The following PRKDC variants were observed in gnomAD, a reference collection of about 807,000 sequenced individuals.
PRKDC encodes DNA-dependent protein kinase catalytic subunit.
PRKDC carries 82 observed loss-of-function variants against 486.9 expected under a neutral mutation model. That is an observed-to-expected ratio of 0.17 (90% confidence interval 0.14 to 0.20). The LOEUF (loss-of-function observed/expected upper bound fraction) is 0.20. Ranked by LOEUF, PRKDC falls within the 10% of genes least tolerant of loss-of-function variation. The pLI, the probability that PRKDC is intolerant of heterozygous loss-of-function variation, is 1.00. For synonymous variants in PRKDC, 1,895 were observed against 1,837.0 expected (o/e 1.03, Z -0.81); for missense variants, 4,504 against 5,038.2 (o/e 0.89, Z 3.21).
chr8:47,881,341 TA>T, intron 38 of PRKDC, 74 bp downstream of exon 38: 1 of 938,308 alleles, frequency 1.1e-6, no homozygotes, highest in Non-Finnish European at 1.6e-6. Flanking sequence ...TAATAAAAAA[TA>T]AAAAACATCA....
Position 47,821,704 on chromosome 8 carries a change from T to C in PRKDC, c.9011A>G (p.His3004Arg). ...WELASLDCYN[H>R]LAEWKSLEYC... ...TTCAAGTGATTTCCACTCAGCAAGG[T>C]GGTTGTAACAGTCAAGGGATGCAAG... The change falls in exon 65 of 86, where the codon CAC (histidine) becomes CGC (arginine). Residue 3004 changes from histidine to arginine, a missense_variant. His to Arg is a conservative substitution (Grantham distance 29). Transcript: ENST00000314191. The C allele has an allele frequency of 2.5e-6, 4 of 1,601,442 alleles. No homozygotes were observed. The highest frequency in any genetic ancestry group is 2.6e-6 in the Non-Finnish European group (3 of 1,173,356).
At chr8:47,938,746 C>T (rs1359131908) in intron 11 of PRKDC, among the ~76,000 whole-genome samples, 1 of 152,018 alleles carries the variant, frequency 6.6e-6, no homozygotes, top group Admixed American at 6.6e-5. Flanking sequence ...ATTTTTAGTA[C>T]AGACAGGGTT....
At chr8:47,929,282 G>T in intron 18 of PRKDC, 104 bp from the exon 19 acceptor site, 1 of 772,192 alleles carries the variant, frequency 1.3e-6, no homozygotes, top group Non-Finnish European at 2.2e-6. Flanking sequence ...TCCATTTCAA[G>T]TTACCAACAT....
intron 68 of PRKDC, among the ~76,000 whole-genome samples, chr8:47,810,691 A>G (rs570000740): frequency 2.0e-5 from 3 of 152,358 alleles, no homozygotes; most frequent in South Asian, 4.1e-4. Flanking sequence ...ACACACATGC[A>G]ATAAATGAAA....
chr8:47,834,608 A>G (rs2087966973), intron 58 of PRKDC, among the ~76,000 whole-genome samples: 1 of 152,066 alleles, frequency 6.6e-6, no homozygotes, highest in East Asian at 1.9e-4. Context: ...CCCCATTTGT[A>G]AAGTAAGAAA....
chr8:47,846,843 C>A (rs940304753), intron 54 of PRKDC, among the ~76,000 whole-genome samples: 2 of 152,118 alleles, frequency 1.3e-5, no homozygotes, highest in South Asian at 4.1e-4. Context: ...AAATCAGTAA[C>A]ATTTCTATAC....
intron 65 of PRKDC, 112 bp from the exon 66 acceptor site, chr8:47,821,055 C>CCT (rs2087583570): frequency 1.6e-6 from 1 of 639,564 alleles, no homozygotes; most frequent in Admixed American, 3.6e-5. Context: ...GATTTAAAGT[C>CCT]AAAGCGATGA....
rs1192182197 is a variant in PRKDC at position 47,782,858 on chromosome 8, C to A, written c.11176-260G>T. The A allele has an allele frequency of 1.8e-6, 1 of 541,922 alleles. No individual in the cohort carries two copies. The highest frequency in any genetic ancestry group is 1.9e-5 in the African/African-American group (1 of 52,892). The allele number at this position is 541,922 out of a possible 1,614,324, so 33.6% of individuals were successfully genotyped here. On this transcript the variant is annotated intron_variant, in intron 78 of 85. Transcript: ENST00000314191. This position sits in a 1 kb window ranked among gnomAD's most constrained non-coding sequence, Gnocchi z 4.9. ...TTAGCAAGCAGCAACAGCCAACATG[C>A]AAACTTTCTACAGTAGTAAGCTAAT...
Position 47,831,916 on chromosome 8 carries a change from G to T in PRKDC, c.8163C>A (p.Gly2721=), listed in dbSNP as rs374804712. ...TGCGCAGTCGTAGTAGGTCCGTCCG[G>T]CCGGCCGCACCTGGAGAGGGAAAGC... ...EVDNKVKGAA[G]RTDLLRLRRR... Residue 2721 remains glycine, a synonymous_variant, in exon 60 of 86, where the codon GGC becomes GGA. Coordinates refer to ENST00000314191, the MANE Select transcript of PRKDC (RefSeq NM_006904.7). The T allele has an allele frequency of 3.3e-5, 54 of 1,612,184 alleles. No individual in the cohort carries two copies. Among genetic ancestry groups the T allele is most frequent in the Admixed American group, 2.2e-4 (13 of 59,944 alleles).
intron 40 of PRKDC, among the ~76,000 whole-genome samples, chr8:47,867,611 T>C (rs2154500899): frequency 6.6e-6 from 1 of 152,248 alleles, no homozygotes; most frequent in Non-Finnish European, 1.5e-5. Context: ...GTAAAGCCAT[T>C]GAGTAATTAT....
At chr8:47,839,396 G>T in intron 55 of PRKDC, 150 bp from the exon 56 acceptor site, 1 of 647,752 alleles carries the variant, frequency 1.5e-6, no homozygotes, top group Non-Finnish European at 2.7e-6. Context: ...CCCCACTCAT[G>T]GGTGTGTGCA....
At chr8:47,936,108 A>G (rs1352863161) in intron 12 of PRKDC, among the ~76,000 whole-genome samples, 1 of 152,162 alleles carries the variant, frequency 6.6e-6, no homozygotes. Context: ...TTGAGGTGCA[A>G]TTCTATCCCA....
chr8:47,928,951 A>G, intron 19 of PRKDC, 141 bp downstream of exon 19: 1 of 661,274 alleles, frequency 1.5e-6, no homozygotes, highest in Admixed American at 2.8e-5. Context: ...CGGCCTCCCA[A>G]AGTGCTGGGA....
At chr8:47,926,418 T>C (rs1162801446) in intron 21 of PRKDC, among the ~76,000 whole-genome samples, 1 of 152,204 alleles carries the variant, frequency 6.6e-6, no homozygotes, top group Admixed American at 6.5e-5. Context: ...AATAAAATAA[T>C]GATTTACACA....
intron 28 of PRKDC, 133 bp from the exon 29 acceptor site, chr8:47,898,702 T>A: frequency 3.9e-6 from 2 of 517,846 alleles, no homozygotes; most frequent in East Asian, 3.2e-5. Context: ...TATGTTTTCA[T>A]CCCTAAGAAT....
At position 47,879,441 on chromosome 8, in the gene PRKDC, A is replaced by T. The variant is rs748857285; in HGVS notation, c.5235+50T>A. On this transcript the variant is annotated intron_variant, in intron 39 of 85. Transcript: ENST00000314191. ...CCTCTTTTCATCAAGATATGTAACA[A>T]GAAAAAAAAAACAGTGTTTTAATTT... 7 of 1,439,550 alleles carry T rather than the reference A, an allele frequency of 4.9e-6. No homozygotes were observed. In the South Asian group the frequency reaches 9.6e-5, roughly 20 times the overall value. The allele number at this position is 1,439,550 out of a possible 1,614,324, so 89.2% of individuals were successfully genotyped here.
chr8:47,881,743 T>C (rs2089223665), intron 37 of PRKDC, among the ~76,000 whole-genome samples, 169 bp downstream of exon 37: 2 of 152,224 alleles, frequency 1.3e-5, no homozygotes, highest in Non-Finnish European at 2.9e-5. Context: ...GTAAGTCTAA[T>C]AAATAATGGA....
chr8:47,818,268 C>T (rs1342454473), intron 67 of PRKDC, among the ~76,000 whole-genome samples: 1 of 152,082 alleles, frequency 6.6e-6, no homozygotes, highest in African/African-American at 2.4e-5. Context: ...AAATCCATCT[C>T]ATAAAGTTGT....
intron 74 of PRKDC, among the ~76,000 whole-genome samples, chr8:47,791,740 T>C (rs2086887505): frequency 6.6e-6 from 1 of 152,124 alleles, no homozygotes; most frequent in Non-Finnish European, 1.5e-5. Context: ...GGAACCCTTG[T>C]ATACTATTGG....
Sources: allele counts gnomAD v4.1 joint callset (sites outside exome capture counted in the v4.1 genomes callset), GRCh38; gene constraint gnomAD v4.1.1; non-coding constraint Gnocchi (gnomAD v3.1); transcripts MANE v1.5; gene names NCBI Gene and HGNC (gene_info 2026-07-23, HGNC 2026-07-21).